TG: variants seen among roughly 807,000 people sequenced by gnomAD.
TG encodes thyroid hormones.
TG carries 270 observed loss-of-function variants against 324.7 expected under a neutral mutation model. The observed-to-expected ratio is 0.83, with a 90% CI of 0.75 to 0.92. The LOEUF (loss-of-function observed/expected upper bound fraction) is 0.92, where lower values mean the gene tolerates loss of function less well. Ranked by LOEUF, TG falls within the 40% of genes least tolerant of loss-of-function variation. The pLI is 0.00. For missense variants in TG, 3,591 were observed against 3,456.4 expected (o/e 1.04, Z -0.98); for synonymous variants, 1,401 against 1,327.0 (o/e 1.06, Z -1.21).
At position 132,966,619 on chromosome 8, in the gene TG, C is replaced by G. The variant is rs201193012; in HGVS notation, c.5608C>G (p.Gln1870Glu). The G allele has an allele frequency of 9.3e-6, 15 of 1,613,960 alleles. No individual in the cohort carries two copies. The Admixed American group carries it at 1.8e-4, about 20-fold the overall frequency. ...DLNQVIVNGN[Q>E]SLSSQKHWLF... ...CAACCAGGTCATTGTCAATGGAAAT[C>G]AATCACTATCCAGCCAGAAGCACTG... is the stretch of plus-strand genomic sequence containing the variant. The change falls in exon 30 of 48, where the codon CAA becomes GAA. Residue 1870 changes from glutamine to glutamate, a missense_variant. Physicochemically the swap from Gln to Glu is conservative, Grantham distance 29 (BLOSUM62 2). Coordinates refer to ENST00000220616, the MANE Select transcript of TG (RefSeq NM_003235.5).
chr8:133,133,339 C>A, intron 46 of TG, 131 bp from the exon 47 acceptor site: 1 of 936,572 alleles, frequency 1.1e-6, no homozygotes, highest in Non-Finnish European at 1.7e-6. Flanking sequence ...TTAGGGAGTT[C>A]ACATGCAGCC....
intron 27 of TG, among the ~76,000 whole-genome samples, chr8:132,952,391 C>T (rs1826236074): frequency 6.6e-6 from 1 of 152,140 alleles, no homozygotes; most frequent in Admixed American, 6.5e-5. Context: ...CTCAGGGCCT[C>T]CATCTGTGCA....
chr8:132,935,789 A>G lies in TG; in HGVS notation c.4966A>G (p.Ser1656Gly). 2 of 1,613,038 alleles carry G rather than the reference A, an allele frequency of 1.2e-6. No homozygotes were observed. Among genetic ancestry groups the G allele is most frequent in the Non-Finnish European group, 1.7e-6 (2 of 1,180,026 alleles). ...TGCACTGGGGAACTCAAAGGCCACC[A>G]GCTTTGGAAGTCTTCGCTGCCAGGT... ...RDALGNSKAT[S>G]FGSLRCQVKV... The change falls in exon 25 of 48, where the codon AGC becomes GGC. Residue 1656 changes from serine to glycine, a missense_variant. Physicochemically the swap from Ser to Gly is moderately conservative, Grantham distance 56 (BLOSUM62 0). Coordinates refer to ENST00000220616, the MANE Select transcript of TG (RefSeq NM_003235.5).
intron 22 of TG, among the ~76,000 whole-genome samples, chr8:132,925,343 A>G (rs1821689589): frequency 6.6e-6 from 1 of 152,186 alleles, no homozygotes; most frequent in Non-Finnish European, 1.5e-5. Flanking sequence ...CTCAATAAAC[A>G]TATCCTCACA....
At chr8:133,050,088 A>G (rs1025268180) in intron 41 of TG, 3 of 828,306 alleles carry the variant, frequency 3.6e-6, no homozygotes, top group Admixed American at 3.7e-5. Context: ...ACAGTTTGGA[A>G]CATTCCTCTT....
intron 29 of TG, among the ~76,000 whole-genome samples, chr8:132,963,989 A>T (rs540603014): frequency 2.0e-5 from 3 of 152,010 alleles, no homozygotes; most frequent in Non-Finnish European, 4.4e-5. Context: ...GTTAGATAGC[A>T]ACCACTTGGC....
intron 16 of TG, among the ~76,000 whole-genome samples, 191 bp from the exon 17 acceptor site, chr8:132,906,497 C>T (rs1287650954): frequency 1.3e-5 from 2 of 151,998 alleles, no homozygotes; most frequent in African/African-American, 2.4e-5. Context: ...CAGATGGGCT[C>T]ATCCAAGTAG....
chr8:132,908,054 A>G (rs2132343920), intron 17 of TG, 132 bp from the exon 18 acceptor site: 1 of 1,022,102 alleles, frequency 9.8e-7, no homozygotes, highest in Non-Finnish European at 1.5e-6. Context: ...ACTCAGAATG[A>G]CAATGCAAAA....
At chr8:132,906,279 G>A (rs1818665180) in intron 16 of TG, among the ~76,000 whole-genome samples, 1 of 152,108 alleles carries the variant, frequency 6.6e-6, no homozygotes, top group African/African-American at 2.4e-5. Flanking sequence ...GGCTTGGGAT[G>A]GCTGGGTGGC....
At chr8:133,055,681 G>T (rs868062047) in intron 41 of TG, among the ~76,000 whole-genome samples, 2 of 152,170 alleles carry the variant, frequency 1.3e-5, no homozygotes, top group South Asian at 2.1e-4. Context: ...TATAGGCAGG[G>T]CTAGCACAGA....
chr8:133,016,543 TGTTTA>T, intron 37 of TG, among the ~76,000 whole-genome samples: 1 of 152,308 alleles, frequency 6.6e-6, no homozygotes. Flanking sequence ...CCCACTGTCT[TGTTTA>T]GTCACCACTG....
At chr8:132,905,254 G>GT (rs1305464199) in intron 16 of TG, among the ~76,000 whole-genome samples, 4 of 152,202 alleles carry the variant, frequency 2.6e-5, no homozygotes, top group African/African-American at 9.7e-5. Context: ...ATTAGGGCCA[G>GT]GATTCATAGC....
intron 23 of TG, among the ~76,000 whole-genome samples, chr8:132,932,054 A>G (rs1363133385): frequency 6.6e-6 from 1 of 152,182 alleles, no homozygotes; most frequent in Non-Finnish European, 1.5e-5. Context: ...AGATCGTGCT[A>G]ATGCACTCCA....
intron 40 of TG, among the ~76,000 whole-genome samples, chr8:133,027,082 G>C (rs1836164255): frequency 6.6e-6 from 1 of 152,192 alleles, no homozygotes. Context: ...CAGCCGGCTG[G>C]TGTGGTTCCA....
chr8:133,028,309 A>C (rs1306763920), intron 40 of TG, among the ~76,000 whole-genome samples: 1 of 152,232 alleles, frequency 6.6e-6, no homozygotes, highest in Non-Finnish European at 1.5e-5. Context: ...AGCAATCCAG[A>C]AAGTTCACAG....
chr8:133,120,186 A>G (rs962971536), intron 45 of TG, among the ~76,000 whole-genome samples: 3 of 152,352 alleles, frequency 2.0e-5, no homozygotes, highest in Non-Finnish European at 4.4e-5. Context: ...GATTACAATG[A>G]AAGGTGTAAC....
intron 43 of TG, among the ~76,000 whole-genome samples, chr8:133,110,587 T>C (rs1445907354): frequency 1.3e-5 from 2 of 152,226 alleles, no homozygotes; most frequent in Non-Finnish European, 1.5e-5. Context: ...AGTTTTCTAA[T>C]TGAAACCAAT....
At chr8:133,001,926 C>A (rs1833551781) in intron 35 of TG, 1 of 983,526 alleles carries the variant, frequency 1.0e-6, no homozygotes, top group Non-Finnish European at 1.2e-6. Flanking sequence ...TTGATGAGTG[C>A]TGAGCAGCTG....
intron 8 of TG, among the ~76,000 whole-genome samples, chr8:132,885,138 G>A (rs567352398): frequency 3.3e-5 from 5 of 151,210 alleles, no homozygotes; most frequent in East Asian, 3.9e-4. Flanking sequence ...TTGGGGGGGG[G>A]GCGTGGTGGT....
Sources: allele counts gnomAD v4.1 joint callset (sites outside exome capture counted in the v4.1 genomes callset), GRCh38; gene constraint gnomAD v4.1.1; transcripts MANE v1.5; gene names NCBI Gene and HGNC (gene_info 2026-07-23, HGNC 2026-07-21).